WDR43: variants seen among roughly 807,000 people sequenced by gnomAD.
WDR43 encodes the protein WD repeat-containing protein 43.
In WDR43, 13 loss-of-function variants were observed where a neutral mutation model predicts 91.4. The observed-to-expected ratio is 0.14, with a 90% CI of 0.09 to 0.23. WDR43 has a LOEUF of 0.23. Among genes scored for constraint, WDR43 ranks in the 10% least tolerant of loss-of-function variants. The pLI, the probability that WDR43 is intolerant of heterozygous loss-of-function variation, is 1.00. For missense variants in WDR43, 780 were observed against 809.4 expected (o/e 0.96, Z 0.44); for synonymous variants, 331 against 287.9 (o/e 1.15, Z -1.51).
intron 6 of WDR43, among the ~76,000 whole-genome samples, chr2:28,920,702 A>G (rs994684152): frequency 2.0e-5 from 3 of 151,818 alleles, no homozygotes; most frequent in Admixed American, 2.0e-4. Flanking sequence ...TTTTTGAGAC[A>G]GTCTCCCTCT....
At chr2:28,905,645 G>GT (rs1429478720) in intron 2 of WDR43, among the ~76,000 whole-genome samples, 1 of 147,296 alleles carries the variant, frequency 6.8e-6, no homozygotes, top group African/African-American at 2.5e-5. Flanking sequence ...AATTCTAGCT[G>GT]TTTATCTCTC....
Position 28,939,046 on chromosome 2 carries a change from G to A in WDR43, c.1620+1052G>A, listed in dbSNP as rs376848135. ...TTTTGGGAGGTGACCTGGGAGCACT[G>A]GTGAGAGGGGTTTTTGGGAGGTGAC... On this transcript the variant is annotated intron_variant, in intron 14 of 17. Coordinates refer to ENST00000407426, the MANE Select transcript of WDR43 (RefSeq NM_015131.3). Among the ~76,000 whole-genome samples the A allele has an allele frequency of 7.9e-5, 6 of 75,780 alleles. 1 individual carries two copies. Among genetic ancestry groups the A allele is most frequent in the African/African-American group, 2.7e-4 (6 of 22,170 alleles). 49.7% of individuals were successfully genotyped at this position (75,780 alleles called of 152,430 possible).
chr2:28,921,447 A>G (rs543270262), intron 6 of WDR43, among the ~76,000 whole-genome samples: 1 of 152,284 alleles, frequency 6.6e-6, no homozygotes, highest in African/African-American at 2.4e-5. Flanking sequence ...TTTTTAAGAT[A>G]TTAAACTAGG....
In WDR43 at chr2:28,914,143, C is replaced by T. The variant is rs940504421; in HGVS notation, c.681C>T (p.Pro227=). The change falls in exon 5 of 18, where the codon CCC becomes CCT. Residue 227 remains proline (P), a synonymous_variant. Coordinates refer to ENST00000407426, the MANE Select transcript of WDR43 (RefSeq NM_015131.3). ...TTIRPPNESQ[P]FDGITGLYFL... is the part of the protein sequence containing the mutation. ...TCAGACCTCCTAATGAGAGCCAGCC[C>T]TTTGATGGAATTACAGGTCTTTATT... 2 of 1,613,950 alleles carry T rather than the reference C, an allele frequency of 1.2e-6. No homozygotes were observed. Among genetic ancestry groups the T allele is most frequent in the Admixed American group, 1.7e-5 (1 of 60,020 alleles).
chr2:28,912,550 C>T (rs759272933), intron 3 of WDR43, 40 bp from the exon 4 acceptor site: 1 of 1,590,744 alleles, frequency 6.3e-7, no homozygotes, highest in Non-Finnish European at 8.5e-7. Context: ...AAAGTTTTCT[C>T]TCATGTATTG....
intron 10 of WDR43, 146 bp from the exon 11 acceptor site, chr2:28,929,433 G>T: frequency 2.9e-6 from 2 of 695,222 alleles, no homozygotes; most frequent in South Asian, 7.1e-5. Flanking sequence ...TGGTAATGAG[G>T]TTCTCTTGGA....
Position 28,946,796 on chromosome 2 carries a change from C to A in WDR43, c.*17C>A, listed in dbSNP as rs183288072. 1.1e-5 allele frequency: 17 copies of A among 1,560,026 alleles called. No homozygotes were observed. Among genetic ancestry groups the A allele is most frequent in the Non-Finnish European group, 1.5e-5 (17 of 1,156,422 alleles). On this transcript the variant is annotated 3_prime_UTR_variant, in exon 18 of 18. Coordinates refer to ENST00000407426, the MANE Select transcript of WDR43 (RefSeq NM_015131.3). ...GAAGAATGAAGACAGCAAAGCAAGC[C>A]GGTCAAACTATATAAACTCTGGCTC...
intron 3 of WDR43, among the ~76,000 whole-genome samples, chr2:28,907,468 A>AAAAAG (rs34947681): frequency 2.5e-5 from 3 of 120,280 alleles, no homozygotes; most frequent in African/African-American, 3.2e-5. Context: ...AAAAAAAAAA[A>AAAAAG]TTGGGTGTGG....
Position 28,925,056 on chromosome 2 carries a change from C to T in WDR43, c.989C>T (p.Pro330Leu). 6.2e-7 allele frequency: 1 copy of T among 1,613,886 alleles called. No individual in the cohort carries two copies. Among genetic ancestry groups the T allele is most frequent in the Non-Finnish European group, 8.5e-7 (1 of 1,179,860 alleles). ...CCTGGGAAAGGCAAGAAGTCAACAC[C>T]AAAACCCATCCCTATTCTAGCTGCT... ...ATPGKGKKST[P>L]KPIPILAAGF... The change falls in exon 8 of 18, where the codon CCA becomes CTA. Residue 330 changes from proline (P) to leucine (L), a missense_variant. This residue lies in a region of WDR43 where 426 missense variants were observed against 467.8 expected (regional missense o/e 0.91). Transcript: ENST00000407426.
rs1353469425 is a variant in WDR43 at position 28,947,406 on chromosome 2, CAT to C, written c.*628_*629del. 8.6e-5 allele frequency: 13 copies of C among 152,008 alleles called. No individual in the cohort carries two copies. Among genetic ancestry groups the C allele is most frequent in the Admixed American group, 6.5e-5 (1 of 15,270 alleles). The allele number at this position is 152,008 out of a possible 1,614,324, so 9.4% of individuals were successfully genotyped here. On this transcript the variant is annotated 3_prime_UTR_variant, in exon 18 of 18. Coordinates refer to ENST00000407426, the MANE Select transcript of WDR43 (RefSeq NM_015131.3). ...AATAACCACTTATTTTTGAAGCTATCATGTGAAGTATTTTTTTAAAACAAAAC... is the reference window on the plus strand; with the variant it reads ...AATAACCACTTATTTTTGAAGCTATCGTGAAGTATTTTTTTAAAACAAAAC...
chr2:28,926,579 T>G (rs755963166), intron 9 of WDR43, 25 bp downstream of exon 9: 1 of 1,547,002 alleles, frequency 6.5e-7, no homozygotes, highest in Non-Finnish European at 8.7e-7. Context: ...AATTTGAAGT[T>G]TTAAGAAAAA....
chr2:28,923,369 T>C (rs1671072476), intron 7 of WDR43, among the ~76,000 whole-genome samples: 1 of 152,198 alleles, frequency 6.6e-6, no homozygotes, highest in Non-Finnish European at 1.5e-5. Flanking sequence ...TCAGGTTGTG[T>C]AGCAGTCATA....
chr2:28,912,600 G>A lies in WDR43; in HGVS notation c.496G>A (p.Gly166Ser). The A allele has an allele frequency of 6.2e-7, 1 of 1,613,542 alleles. No individual in the cohort carries two copies. The highest frequency in any genetic ancestry group is 8.5e-7 in the Non-Finnish European group (1 of 1,179,744). ...QTCKVKCKWKGDNSSVSSLCI... is the reference protein window; with the variant it reads ...QTCKVKCKWKSDNSSVSSLCI... Reference sequence around the variant, plus strand: ...CTCTTCACAATATAGCAAATGGAAAGGCGACAATAGCAGTGTCAGTTCCCT... The same window carrying A: ...CTCTTCACAATATAGCAAATGGAAAAGCGACAATAGCAGTGTCAGTTCCCT... Residue 166 changes from glycine (G) to serine (S), a missense_variant, in exon 4 of 18, where the codon GGC becomes AGC. Coordinates refer to ENST00000407426, the MANE Select transcript of WDR43 (RefSeq NM_015131.3).
At chr2:28,912,812 T>G in intron 4 of WDR43, 102 bp downstream of exon 4, 1 of 1,446,192 alleles carries the variant, frequency 6.9e-7, no homozygotes, top group Non-Finnish European at 9.2e-7. Context: ...TACAAATTCT[T>G]CATTGTCAGG....
At chr2:28,922,028 T>C (rs541381368) in intron 6 of WDR43, among the ~76,000 whole-genome samples, 2 of 152,344 alleles carry the variant, frequency 1.3e-5, no homozygotes, top group Admixed American at 6.5e-5. Flanking sequence ...ACAACTGTCA[T>C]GTAGCACTAA....
chr2:28,938,062 C>T, intron 14 of WDR43, 68 bp downstream of exon 14: 1 of 1,523,468 alleles, frequency 6.6e-7, no homozygotes, highest in East Asian at 2.3e-5. Context: ...TAAACTTTGA[C>T]AAGTATGGCT....
At chr2:28,918,634 G>T (rs1175828236) in intron 6 of WDR43, among the ~76,000 whole-genome samples, 4 of 152,132 alleles carry the variant, frequency 2.6e-5, no homozygotes, top group African/African-American at 9.7e-5. Context: ...CTCCCAAAGT[G>T]CTGGGATTAC....
chr2:28,918,336 G>A (rs1232943776), intron 6 of WDR43, among the ~76,000 whole-genome samples: 1 of 151,910 alleles, frequency 6.6e-6, no homozygotes, highest in Non-Finnish European at 1.5e-5. Flanking sequence ...GTGTGTGTGT[G>A]TGTGTGTGTA....
At chr2:28,927,030 G>A (rs369326925) in intron 9 of WDR43, 6 of 517,604 alleles carry the variant, frequency 1.2e-5, no homozygotes, top group African/African-American at 3.9e-5. Context: ...TGTAGGGGAC[G>A]TGTTTCGTGG....
Sources: allele counts gnomAD v4.1 joint callset (sites outside exome capture counted in the v4.1 genomes callset), GRCh38; gene constraint gnomAD v4.1.1; regional missense constraint gnomAD v4.1.1; transcripts MANE v1.5; gene names NCBI Gene and HGNC (gene_info 2026-07-23, HGNC 2026-07-21).